CHN2: variants seen among roughly 807,000 people sequenced by gnomAD.
The protein encoded by CHN2 is beta-chimaerin.
A neutral mutation model predicts 56.3 loss-of-function variants in CHN2; 35 were observed. The observed-to-expected ratio is 0.62, with a 90% confidence interval of 0.47 to 0.82. The LOEUF (loss-of-function observed/expected upper bound fraction) is 0.82, where lower values mean the gene tolerates loss of function less well. Among genes scored for constraint, CHN2 ranks in the 40% least tolerant of loss-of-function variants. The pLI is 0.00. For synonymous variants in CHN2, 210 were observed against 212.8 expected, an observed-to-expected ratio of 0.99 and a Z score of 0.12; for missense variants, 491 against 580.5, an observed-to-expected ratio of 0.85 and a Z score of 1.58.
chr7:29,257,080 T>C (rs1252113283), intron 1 of CHN2, among the ~76,000 whole-genome samples: 1 of 152,188 alleles, frequency 6.6e-6, no homozygotes, highest in African/African-American at 2.4e-5. Flanking sequence ...AAACCTGCCC[T>C]GCTTTCCCAG....
chr7:29,347,786 C>T (rs957196835), intron 1 of CHN2, among the ~76,000 whole-genome samples: 2 of 152,204 alleles, frequency 1.3e-5, no homozygotes, highest in African/African-American at 2.4e-5. Context: ...TTTTGCTATA[C>T]TCATGTAATG....
intron 8 of CHN2, among the ~76,000 whole-genome samples, chr7:29,498,927 A>C (rs564923406): frequency 1.9e-4 from 29 of 151,976 alleles, no homozygotes; most frequent in Non-Finnish European, 3.2e-4. Context: ...ATGCCCAGCT[A>C]ATTTTGTATT....
At chr7:29,352,325 G>A (rs1585134001) in intron 1 of CHN2, among the ~76,000 whole-genome samples, 1 of 151,376 alleles carries the variant, frequency 6.6e-6, no homozygotes, top group Non-Finnish European at 1.5e-5. Context: ...GGCATCTCAG[G>A]GATTTGCATT....
At chr7:29,155,082 A>ACAGGACCTG (rs1794161478) in intron 2 of CHN2, among the ~76,000 whole-genome samples, 1 of 152,092 alleles carries the variant, frequency 6.6e-6, no homozygotes, top group Non-Finnish European at 1.5e-5. Context: ...GGAGAACAGC[A>ACAGGACCTG]CAGGACCTGC....
intron 2 of CHN2, among the ~76,000 whole-genome samples, chr7:29,182,154 C>G (rs1416552520): frequency 6.6e-6 from 1 of 152,126 alleles, no homozygotes; most frequent in Non-Finnish European, 1.5e-5. Flanking sequence ...TTAATGAAAA[C>G]CTGCAAATGC....
chr7:29,324,115 G>T (rs909908381), intron 1 of CHN2, among the ~76,000 whole-genome samples: 7 of 152,004 alleles, frequency 4.6e-5, no homozygotes, highest in Non-Finnish European at 1.0e-4. Flanking sequence ...CAGGAGTGGG[G>T]TTGGTGGGTC....
At chr7:29,146,700 T>C in exon 1 of CHN2, 1 of 1,550,472 alleles carries the variant, frequency 6.4e-7, no homozygotes, top group East Asian at 2.4e-5. Context: ...AGCCCCAGGG[T>C]GGAATCTTAA....
intron 4 of CHN2, among the ~76,000 whole-genome samples, chr7:29,395,132 T>C (rs1801649409): frequency 6.6e-6 from 1 of 152,214 alleles, no homozygotes; most frequent in African/African-American, 2.4e-5. Context: ...AATGGATACC[T>C]TTAGGGAGAG....
intron 4 of CHN2, among the ~76,000 whole-genome samples, chr7:29,393,955 A>C (rs909076925): frequency 2.0e-5 from 3 of 152,178 alleles, no homozygotes; most frequent in Non-Finnish European, 4.4e-5. Context: ...AGAGCTACTG[A>C]GTGCCTGGCA....
chr7:29,509,010 A>G (rs1344827759), intron 11 of CHN2, among the ~76,000 whole-genome samples: 1 of 152,126 alleles, frequency 6.6e-6, no homozygotes, highest in African/African-American at 2.4e-5. Context: ...GTCTGCACAT[A>G]TGCTCCCTGA....
chr7:29,334,961 G>A (rs777538515), intron 1 of CHN2, among the ~76,000 whole-genome samples: 11 of 152,132 alleles, frequency 7.2e-5, no homozygotes, highest in Non-Finnish European at 1.6e-4. Context: ...ACTGACACCC[G>A]GAATGATTCA....
At chr7:29,475,905 G>A (rs568339095) in intron 6 of CHN2, among the ~76,000 whole-genome samples, 1 of 152,310 alleles carries the variant, frequency 6.6e-6, no homozygotes, top group African/African-American at 2.4e-5. Flanking sequence ...TGGTACTGAT[G>A]GGTACAGGGT....
chr7:29,464,515 A>C (rs984813512), intron 6 of CHN2, among the ~76,000 whole-genome samples: 5 of 152,232 alleles, frequency 3.3e-5, no homozygotes, highest in Non-Finnish European at 7.3e-5. Flanking sequence ...ACAAACCTGC[A>C]CATTCTGCAC....
intron 2 of CHN2, among the ~76,000 whole-genome samples, chr7:29,359,910 C>G (rs1053391291): frequency 1.3e-5 from 2 of 152,158 alleles, no homozygotes; most frequent in Non-Finnish European, 2.9e-5. Flanking sequence ...ACAGCTCTCC[C>G]TGGAGGCTCC....
chr7:29,275,349 G>A (rs1407767115), intron 1 of CHN2, among the ~76,000 whole-genome samples: 1 of 152,118 alleles, frequency 6.6e-6, no homozygotes, highest in Non-Finnish European at 1.5e-5. Context: ...AGAATATATG[G>A]TCAAGTCTTG....
chr7:29,191,495 G>A (rs1164920047), upstream of CHN2: 2 of 152,254 alleles, frequency 1.3e-5, no homozygotes, highest in Non-Finnish European at 2.9e-5. Flanking sequence ...CACCATGAAA[G>A]AGGGTTGCCT....
intron 11 of CHN2, among the ~76,000 whole-genome samples, chr7:29,508,631 C>G (rs1790900127): frequency 6.6e-6 from 1 of 152,166 alleles, no homozygotes; most frequent in East Asian, 1.9e-4. Flanking sequence ...TAGATATCCT[C>G]TACTCCAGGA....
chr7:29,245,328 T>G (rs1048595733), intron 1 of CHN2, among the ~76,000 whole-genome samples: 5 of 152,176 alleles, frequency 3.3e-5, no homozygotes. Flanking sequence ...AGTGAACATT[T>G]CTTTAAAGAG....
At position 29,512,826 on chromosome 7, in the gene CHN2, T is replaced by C; in HGVS notation, c.*91T>C. ...ACATTTCTTACCACTTGATTTGTTT[T>C]CCAAGCAAGTGCTAGAATTTCCTGG... is the stretch of plus-strand genomic sequence containing the variant. On this transcript the variant is annotated 3_prime_UTR_variant, in exon 13 of 13. Transcript: ENST00000222792. The C allele has an allele frequency of 1.4e-6, 2 of 1,411,440 alleles. No individual in the cohort carries two copies. Among genetic ancestry groups the C allele is most frequent in the Non-Finnish European group, 1.9e-6 (2 of 1,044,030 alleles). 87.4% of individuals were successfully genotyped at this position (1,411,440 alleles called of 1,614,324 possible). A position where few individuals can be genotyped will look rare whatever the true frequency, so the allele number is the denominator to read the frequency against.
Sources: allele counts gnomAD v4.1 joint callset (sites outside exome capture counted in the v4.1 genomes callset), GRCh38; gene constraint gnomAD v4.1.1; transcripts MANE v1.5; gene names NCBI Gene and HGNC (gene_info 2026-07-23, HGNC 2026-07-21).